The following MYRIP variants were observed in gnomAD, a reference collection of about 807,000 sequenced individuals.
MYRIP encodes the protein rab effector MyRIP.
A neutral mutation model predicts 98.0 loss-of-function variants in MYRIP; 49 were observed. The observed-to-expected ratio is 0.50, with a 90% CI of 0.40 to 0.63. The LOEUF (loss-of-function observed/expected upper bound fraction) is 0.63, where lower values mean the gene tolerates loss of function less well. Ranked by LOEUF, MYRIP falls within the 30% of genes least tolerant of loss-of-function variation. MYRIP has a pLI of 0.00. For synonymous variants in MYRIP, 404 were observed against 409.5 expected, an observed-to-expected ratio of 0.99 and a Z score of 0.16; for missense variants, 1,004 against 1,058.2, an observed-to-expected ratio of 0.95 and a Z score of 0.71.
At chr3:39,839,207 GTTAT>G (rs1941720841) in intron 1 of MYRIP, among the ~76,000 whole-genome samples, 1 of 150,452 alleles carries the variant, frequency 6.6e-6, no homozygotes, top group Admixed American at 6.6e-5. Context: ...TCTTATTTTA[GTTAT>G]TTATTGTCTT....
At chr3:39,974,090 A>C (rs762065846) in intron 2 of MYRIP, among the ~76,000 whole-genome samples, 52 of 81,280 alleles carry the variant, frequency 6.4e-4, no homozygotes, top group Middle Eastern at 7.4e-3. Context: ...AAAACCCTAT[A>C]AAAAAATCAA....
intron 3 of MYRIP, chr3:40,099,938 T>C (rs1228109096): frequency 1.1e-6 from 1 of 941,190 alleles, no homozygotes; most frequent in Admixed American, 6.2e-5. Context: ...GCACATGTGT[T>C]GATGGATTTT....
intron 1 of MYRIP, among the ~76,000 whole-genome samples, chr3:39,830,289 C>T (rs1270291329): frequency 6.6e-6 from 1 of 152,162 alleles, no homozygotes; most frequent in South Asian, 2.1e-4. Context: ...CTACTCCATA[C>T]CTGCGTTTAG....
chr3:40,130,871 G>A (rs1351685209), intron 3 of MYRIP, among the ~76,000 whole-genome samples: 2 of 151,958 alleles, frequency 1.3e-5, no homozygotes, highest in African/African-American at 4.8e-5. Context: ...TTCCTATCCT[G>A]GCTAGTTATA....
At chr3:39,824,494 A>G (rs892242173) in intron 1 of MYRIP, among the ~76,000 whole-genome samples, 5 of 152,012 alleles carry the variant, frequency 3.3e-5, no homozygotes, top group Admixed American at 6.6e-5. Flanking sequence ...TGAACATGGC[A>G]TATTTTTCCA....
intron 2 of MYRIP, among the ~76,000 whole-genome samples, chr3:39,973,665 C>T (rs1945661742): frequency 1.3e-5 from 2 of 149,228 alleles, no homozygotes; most frequent in South Asian, 2.1e-4. Flanking sequence ...AAGCTCTCCT[C>T]AGCAAATGTA....
intron 1 of MYRIP, among the ~76,000 whole-genome samples, chr3:39,877,068 C>G (rs1488770739): frequency 5.9e-5 from 9 of 152,180 alleles, no homozygotes; most frequent in Admixed American, 5.9e-4. Context: ...TCTAAACTTC[C>G]CTTCTCGCTT....
At chr3:40,249,466 G>GAT (rs1953307870) in intron 13 of MYRIP, among the ~76,000 whole-genome samples, 1 of 152,194 alleles carries the variant, frequency 6.6e-6, no homozygotes, top group South Asian at 2.1e-4. Context: ...GTGAAACCAA[G>GAT]ATAATGGTAC....
At chr3:40,182,090 C>A (rs984339366) in intron 8 of MYRIP, 130 bp from the exon 9 acceptor site, 1 of 1,004,548 alleles carries the variant, frequency 1.0e-6, no homozygotes, top group Non-Finnish European at 1.4e-6. Context: ...TTAAGGCTCA[C>A]GTGAAAAGAG....
chr3:39,879,086 A>G (rs900035761), intron 1 of MYRIP, among the ~76,000 whole-genome samples: 4 of 151,372 alleles, frequency 2.6e-5, no homozygotes, highest in Non-Finnish European at 5.9e-5. Flanking sequence ...AATTTTATAT[A>G]TATCTATATA....
intron 1 of MYRIP, among the ~76,000 whole-genome samples, chr3:39,861,529 T>C (rs529429692): frequency 2.6e-5 from 4 of 152,166 alleles, no homozygotes. Flanking sequence ...ATTCAGAACA[T>C]GGATAGAAAT....
intron 1 of MYRIP, among the ~76,000 whole-genome samples, chr3:39,894,467 TAGTGTTCCCGTGGGTGAATATA>T (rs2125663345): frequency 6.6e-6 from 1 of 152,242 alleles, no homozygotes; most frequent in Admixed American, 6.5e-5. Flanking sequence ...TATTGCTGTG[TAGTGTTCCCGTGGGTGAATATA>T]CCATAGTTTG....
In MYRIP at chr3:39,895,901, CGTGTGTGTGTGTGTG is replaced by C. The variant is rs771533240; in HGVS notation, c.-30-4870_-30-4856del. On this transcript the variant is annotated intron_variant, in intron 1 of 16. Coordinates refer to ENST00000302541, the MANE Select transcript of MYRIP (RefSeq NM_015460.4). ...AGGCCAGAAAGTCCTGAGAAAAACT[CGTGTGTGTGTGTGTG>C]GTGTGTGTGTGTGTGTGTGTGCGCG... 7.7e-4 allele frequency among the ~76,000 whole-genome samples: 102 copies of C among 133,306 alleles called. 2 individuals carry two copies. In the East Asian group the frequency reaches 0.02, roughly 26 times the overall value. The allele number at this position is 133,306 out of a possible 152,430, so 87.5% of individuals were successfully genotyped here.
chr3:40,154,308 C>G (rs1212310427), intron 4 of MYRIP, among the ~76,000 whole-genome samples: 2 of 152,234 alleles, frequency 1.3e-5, no homozygotes, highest in Admixed American at 1.3e-4. Context: ...TAAAAGAAAA[C>G]TTGTTTTATC....
intron 2 of MYRIP, among the ~76,000 whole-genome samples, chr3:39,903,738 C>A (rs1225168651): frequency 6.6e-6 from 1 of 152,148 alleles, no homozygotes; most frequent in African/African-American, 2.4e-5. Flanking sequence ...ATGGAGGCAT[C>A]CAAGAACAGA....
intron 1 of MYRIP, among the ~76,000 whole-genome samples, chr3:39,886,708 A>G (rs1943313073): frequency 6.6e-6 from 1 of 151,368 alleles, no homozygotes; most frequent in Non-Finnish European, 1.5e-5. Context: ...AGTGACCTAC[A>G]AAGAGACTTA....
intron 1 of MYRIP, among the ~76,000 whole-genome samples, chr3:39,837,349 G>A (rs894348073): frequency 6.6e-6 from 1 of 152,140 alleles, no homozygotes; most frequent in Admixed American, 6.5e-5. Context: ...ATGGTTTTAG[G>A]TCTTATGTTT....
chr3:39,904,909 G>A (rs1943840814), intron 2 of MYRIP, among the ~76,000 whole-genome samples: 1 of 152,124 alleles, frequency 6.6e-6, no homozygotes, highest in South Asian at 2.1e-4. Context: ...ACTGTTGGGG[G>A]AAGATAGAGA....
chr3:39,983,501 A>T (rs1945944059), intron 2 of MYRIP, among the ~76,000 whole-genome samples: 1 of 152,140 alleles, frequency 6.6e-6, no homozygotes. Context: ...TTGGTTACTA[A>T]ATCCTCTCTT....
Sources: gnomAD v4.1 joint callset for allele counts (sites outside exome capture counted in the v4.1 genomes callset) on GRCh38, gnomAD v4.1.1 for gene constraint, MANE v1.5 for transcripts, NCBI Gene and HGNC (gene_info 2026-07-23, HGNC 2026-07-21) for gene names.